Variants in PAK5 observed in about 807,000 individuals in gnomAD.
PAK5 encodes the protein p21 (RAC1) activated kinase 5.
Under a neutral mutation model 65.9 loss-of-function variants are expected in PAK5, and 16 were observed. The ratio of observed to expected loss-of-function variants is 0.24; its 90% CI spans 0.16 to 0.37. PAK5 has a LOEUF of 0.37. Among genes scored for constraint, PAK5 ranks in the 10% least tolerant of loss-of-function variants. The pLI, the probability that PAK5 is intolerant of heterozygous loss-of-function variation, is 1.00. For synonymous variants in PAK5, 371 were observed against 354.9 expected, an observed-to-expected ratio of 1.05 and a Z score of -0.51; for missense variants, 785 against 903.9, an observed-to-expected ratio of 0.87 and a Z score of 1.69.
At chr20:9,736,929 A>G (rs759635417) in intron 1 of PAK5, among the ~76,000 whole-genome samples, 1 of 152,182 alleles carries the variant, frequency 6.6e-6, no homozygotes, top group Non-Finnish European at 1.5e-5. Flanking sequence ...AAATATATGA[A>G]CAGAGAAAAA....
At chr20:9,614,753 C>T (rs1600144757) in intron 3 of PAK5, among the ~76,000 whole-genome samples, 1 of 152,168 alleles carries the variant, frequency 6.6e-6, no homozygotes, top group South Asian at 2.1e-4. Context: ...GTAAAGGAGA[C>T]TTAAAGGCTT....
At chr20:9,823,843 G>C in intron 1 of PAK5, among the ~76,000 whole-genome samples, 1 of 152,034 alleles carries the variant, frequency 6.6e-6, no homozygotes, top group East Asian at 1.9e-4. Context: ...CTAAAATAGA[G>C]GAAGTTAAAG....
intron 3 of PAK5, among the ~76,000 whole-genome samples, chr20:9,589,759 C>T (rs902844939): frequency 3.3e-5 from 5 of 152,052 alleles, no homozygotes; most frequent in Non-Finnish European, 7.4e-5. Flanking sequence ...CAACCTCTGC[C>T]TCCCGGGTTC....
intron 1 of PAK5, among the ~76,000 whole-genome samples, chr20:9,753,654 A>G (rs1267839137): frequency 6.6e-6 from 1 of 152,164 alleles, no homozygotes; most frequent in Non-Finnish European, 1.5e-5. Context: ...GAAATGTGAT[A>G]GCCCATAAAG....
At chr20:9,699,891 G>A (rs568177363) in intron 2 of PAK5, among the ~76,000 whole-genome samples, 6 of 152,192 alleles carry the variant, frequency 3.9e-5, no homozygotes, top group East Asian at 1.9e-4. Flanking sequence ...TATGGCAAAT[G>A]GGGATACTTA....
At chr20:9,562,149 C>CT (rs1353390065) in intron 6 of PAK5, among the ~76,000 whole-genome samples, 1 of 152,164 alleles carries the variant, frequency 6.6e-6, no homozygotes, top group Non-Finnish European at 1.5e-5. Context: ...TTTATTGACT[C>CT]TTTCTGAGAG....
intron 1 of PAK5, among the ~76,000 whole-genome samples, chr20:9,774,315 T>C (rs978255565): frequency 6.6e-6 from 1 of 152,162 alleles, no homozygotes; most frequent in Non-Finnish European, 1.5e-5. Context: ...AAAACTGTGA[T>C]AGAGCAAATT....
intron 1 of PAK5, among the ~76,000 whole-genome samples, chr20:9,750,118 C>T (rs193291167): frequency 1.3e-5 from 2 of 152,098 alleles, no homozygotes; most frequent in Admixed American, 6.6e-5. Context: ...GAGTGCATCA[C>T]CCTTTTTCAT....
intron 4 of PAK5, among the ~76,000 whole-genome samples, chr20:9,572,462 G>A (rs2045807048): frequency 6.6e-6 from 1 of 152,210 alleles, no homozygotes; most frequent in South Asian, 2.1e-4. Flanking sequence ...GTGCAAAGCA[G>A]TCCAGCTTAA....
chr20:9,632,227 T>C (rs1306985127), intron 3 of PAK5, among the ~76,000 whole-genome samples: 2 of 152,142 alleles, frequency 1.3e-5, no homozygotes, highest in African/African-American at 4.8e-5. Context: ...CCTTATTTGA[T>C]GAGTTCAGCT....
At chr20:9,540,295 C>A (rs1043044134) in intron 9 of PAK5, among the ~76,000 whole-genome samples, 1 of 152,112 alleles carries the variant, frequency 6.6e-6, no homozygotes, top group Non-Finnish European at 1.5e-5. Flanking sequence ...ATACATTTAC[C>A]CCTATTTACT....
At chr20:9,698,119 T>A (rs867627459) in intron 2 of PAK5, among the ~76,000 whole-genome samples, 2 of 152,144 alleles carry the variant, frequency 1.3e-5, no homozygotes, top group African/African-American at 2.4e-5. Flanking sequence ...GCTTGATTAA[T>A]CTTATCAGAA....
chr20:9,726,644 T>C (rs2048280712), intron 1 of PAK5, among the ~76,000 whole-genome samples: 1 of 152,014 alleles, frequency 6.6e-6, no homozygotes, highest in Non-Finnish European at 1.5e-5. Flanking sequence ...GGCACAAGGA[T>C]TTTTCACCAA....
intron 9 of PAK5, 45 bp downstream of exon 9, chr20:9,542,541 A>G (rs2045282007): frequency 6.2e-7 from 1 of 1,609,158 alleles, no homozygotes. Flanking sequence ...ATACAGGAAA[A>G]TCCAAAAACT....
intron 4 of PAK5, among the ~76,000 whole-genome samples, chr20:9,575,959 G>A: frequency 6.6e-6 from 1 of 152,174 alleles, no homozygotes; most frequent in East Asian, 1.9e-4. Flanking sequence ...GTAGAGCAGA[G>A]GTGATCCTGA....
chr20:9,764,532 C>T (rs1416369289), intron 1 of PAK5, among the ~76,000 whole-genome samples: 1 of 152,058 alleles, frequency 6.6e-6, no homozygotes, highest in African/African-American at 2.4e-5. Flanking sequence ...ACCCTTTAGC[C>T]CAGTGGTTTT....
chr20:9,539,998 A>G (rs2045234801), intron 9 of PAK5, among the ~76,000 whole-genome samples: 1 of 152,230 alleles, frequency 6.6e-6, no homozygotes, highest in African/African-American at 2.4e-5. Flanking sequence ...AACTGCAACC[A>G]CACAGGCTCT....
At position 9,711,385 on chromosome 20, in the gene PAK5, C is replaced by T. The variant is rs2423432; in HGVS notation, c.-111G>A. ...GTGCTTGTCAGTCTTCTTCATTTTT[C>T]CTCAGTGTTCATTTTAGCAAGAGGT... On this transcript the variant is annotated 5_prime_UTR_variant, in exon 2 of 10. Coordinates refer to ENST00000353224, the MANE Select transcript of PAK5 (RefSeq NM_177990.4). 0.67 allele frequency: 101,617 copies of T among 151,906 alleles called. 34,234 individuals are homozygous for T. The highest frequency in any genetic ancestry group is 0.84 in the East Asian group (4,373 of 5,178). The allele number at this position is 151,906 out of a possible 1,614,324, so 9.4% of individuals were successfully genotyped here. A position where few individuals can be genotyped will look rare whatever the true frequency, so the allele number is the denominator to read the frequency against.
At chr20:9,833,870 T>C (rs567968705) in intron 1 of PAK5, among the ~76,000 whole-genome samples, 52 of 152,332 alleles carry the variant, frequency 3.4e-4, no homozygotes, top group Middle Eastern at 6.8e-3. Flanking sequence ...TTCTTATTAT[T>C]CACGAGTATT....
Sources: gnomAD v4.1 joint callset for allele counts (sites outside exome capture counted in the v4.1 genomes callset) on GRCh38, gnomAD v4.1.1 for gene constraint, MANE v1.5 for transcripts, NCBI Gene and HGNC (gene_info 2026-07-23, HGNC 2026-07-21) for gene names.